BTBD9: variants seen among roughly 807,000 people sequenced by gnomAD.
The protein encoded by BTBD9 is BTB domain containing 9, also known as BTB/POZ domain-containing protein 9.
Under a neutral mutation model 64.3 loss-of-function variants are expected in BTBD9, and 49 were observed. That is an observed-to-expected ratio of 0.76 (90% confidence interval 0.61 to 0.97). The LOEUF (loss-of-function observed/expected upper bound fraction) is 0.97. Ranked by LOEUF, BTBD9 falls within the 50% of genes least tolerant of loss-of-function variation. BTBD9 has a pLI of 0.00. For synonymous variants in BTBD9, 260 were observed against 274.7 expected, an observed-to-expected ratio of 0.95 and a Z score of 0.53; for missense variants, 598 against 762.1, an observed-to-expected ratio of 0.78 and a Z score of 2.53.
At chr6:38,330,598 C>T (rs1457852000) in intron 7 of BTBD9, among the ~76,000 whole-genome samples, 2 of 151,930 alleles carry the variant, frequency 1.3e-5, no homozygotes, top group Admixed American at 6.6e-5. Context: ...CTTGACAAGC[C>T]GATTTTCAAG....
chr6:38,618,936 T>G (rs1269596037), intron 1 of BTBD9, among the ~76,000 whole-genome samples: 1 of 152,094 alleles, frequency 6.6e-6, no homozygotes, highest in Non-Finnish European at 1.5e-5. Flanking sequence ...CCGTCCCCAG[T>G]ATGGATCCCC....
intron 10 of BTBD9, chr6:38,179,730 A>G (rs1330016031): frequency 4.4e-6 from 2 of 456,772 alleles, no homozygotes; most frequent in Middle Eastern, 3.3e-4. Flanking sequence ...CACTGTATCA[A>G]CATACCTGCC....
intron 6 of BTBD9, among the ~76,000 whole-genome samples, chr6:38,476,570 T>C (rs1437941232): frequency 6.6e-6 from 1 of 152,252 alleles, no homozygotes; most frequent in Admixed American, 6.5e-5. Flanking sequence ...AATTCTGGCA[T>C]TTCATGTCAT....
intron 6 of BTBD9, among the ~76,000 whole-genome samples, chr6:38,547,285 C>G (rs1321723848): frequency 6.6e-6 from 1 of 152,110 alleles, no homozygotes; most frequent in Admixed American, 6.5e-5. Flanking sequence ...AAATAATTAG[C>G]TGGGCGTGGT....
chr6:38,587,447 T>C, intron 4 of BTBD9: 2 of 550,052 alleles, frequency 3.6e-6, no homozygotes, highest in Non-Finnish European at 7.1e-6. Context: ...GTGCTAATGA[T>C]GCAACGAGTT....
chr6:38,210,627 G>A (rs62397007), intron 9 of BTBD9, among the ~76,000 whole-genome samples: 1 of 151,668 alleles, frequency 6.6e-6, no homozygotes, highest in Admixed American at 6.6e-5. Flanking sequence ...GAGACGCCTA[G>A]TCAATCAAAT....
chr6:38,243,912 G>A (rs964260075), intron 9 of BTBD9, among the ~76,000 whole-genome samples: 2 of 152,088 alleles, frequency 1.3e-5, no homozygotes, highest in Admixed American at 6.5e-5. Flanking sequence ...AAGAAAACAC[G>A]AGCCTCTTAG....
chr6:38,421,447 ATG>A (rs1335097935), intron 6 of BTBD9, among the ~76,000 whole-genome samples: 1 of 152,216 alleles, frequency 6.6e-6, no homozygotes, highest in African/African-American at 2.4e-5. Context: ...GTTTTTAAAC[ATG>A]TGTTTTGGTT....
intron 6 of BTBD9, among the ~76,000 whole-genome samples, chr6:38,428,861 C>CA (rs1283688209): frequency 6.6e-6 from 1 of 151,372 alleles, no homozygotes; most frequent in East Asian, 2.0e-4. Context: ...TACAGGCGCC[C>CA]ACCACGCCCG....
At chr6:38,419,268 CTATTA>C (rs1189054310) in intron 6 of BTBD9, among the ~76,000 whole-genome samples, 1 of 152,148 alleles carries the variant, frequency 6.6e-6, no homozygotes, top group Non-Finnish European at 1.5e-5. Context: ...ACATGGGCCA[CTATTA>C]TATTAAACCT....
intron 9 of BTBD9, among the ~76,000 whole-genome samples, chr6:38,244,896 C>T (rs1404727100): frequency 6.6e-6 from 1 of 152,186 alleles, no homozygotes; most frequent in Non-Finnish European, 1.5e-5. Context: ...AGGACTACAT[C>T]ACCATGGGCA....
intron 6 of BTBD9, among the ~76,000 whole-genome samples, chr6:38,495,177 A>T (rs1771896060): frequency 6.6e-6 from 1 of 152,222 alleles, no homozygotes; most frequent in South Asian, 2.1e-4. Flanking sequence ...CCACCGCTAC[A>T]GATCAAAACA....
chr6:38,587,807 A>G, intron 4 of BTBD9: 1 of 714,404 alleles, frequency 1.4e-6, no homozygotes, highest in Non-Finnish European at 2.7e-6. Context: ...CAGTCTACTC[A>G]GGTTATGGCA....
chr6:38,236,677 T>C (rs906855325), intron 9 of BTBD9, among the ~76,000 whole-genome samples: 6 of 152,094 alleles, frequency 3.9e-5, no homozygotes, highest in Admixed American at 3.3e-4. Context: ...AACTGGAAAA[T>C]GTGGGCACAG....
intron 6 of BTBD9, among the ~76,000 whole-genome samples, chr6:38,484,076 A>C (rs80173426): frequency 1.3e-3 from 193 of 152,342 alleles, no homozygotes; most frequent in African/African-American, 4.4e-3. Flanking sequence ...GGTGCTCCGT[A>C]AACATTTTAC....
intron 9 of BTBD9, chr6:38,193,916 T>C (rs1327919197): frequency 1.0e-6 from 1 of 981,162 alleles, no homozygotes; most frequent in Admixed American, 6.1e-5. Flanking sequence ...CTTAAGGTCA[T>C]TAAAAAGTCA....
chr6:38,521,434 AC>A (rs1435729027), intron 6 of BTBD9, among the ~76,000 whole-genome samples: 1 of 152,230 alleles, frequency 6.6e-6, no homozygotes, highest in Non-Finnish European at 1.5e-5. Flanking sequence ...AATGCTTCAG[AC>A]CAGAGGTGAT....
chr6:38,423,590 A>C (rs1768008942), intron 6 of BTBD9, among the ~76,000 whole-genome samples: 1 of 152,140 alleles, frequency 6.6e-6, no homozygotes, highest in South Asian at 2.1e-4. Context: ...AGGTGTGAGC[A>C]ACTGTACCTG....
chr6:38,270,008 A>C (rs2127543326), intron 8 of BTBD9, among the ~76,000 whole-genome samples: 1 of 152,304 alleles, frequency 6.6e-6, no homozygotes, highest in East Asian at 1.9e-4. Flanking sequence ...GACTGAGAGA[A>C]GGAAATCTGA....
Sources: gnomAD v4.1 joint callset for allele counts (sites outside exome capture counted in the v4.1 genomes callset) on GRCh38, gnomAD v4.1.1 for gene constraint, MANE v1.5 for transcripts, NCBI Gene and HGNC (gene_info 2026-07-23, HGNC 2026-07-21) for gene names.